The following SOCS2 variants were observed in gnomAD, a reference collection of about 807,000 sequenced individuals.
SOCS2 encodes the protein CIS-2.
In SOCS2, 10 loss-of-function variants were observed where a neutral mutation model predicts 18.6. That is an observed-to-expected ratio of 0.54 (90% CI 0.33 to 0.91). The LOEUF is 0.91. SOCS2 is among the 40% of genes least tolerant of loss of function. The pLI is 0.02. For synonymous variants in SOCS2, 104 were observed against 104.0 expected (o/e 1.00, Z 0.00); for missense variants, 231 against 247.2 (o/e 0.93, Z 0.44).
downstream of SOCS2, among the ~76,000 whole-genome samples, chr12:93,578,887 G>T (rs933287526): frequency 2.0e-5 from 3 of 152,054 alleles, no homozygotes; most frequent in African/African-American, 7.3e-5. Context: ...TTCTTCCGCT[G>T]GGATTCAGAA....
the SOCS2 span, among the ~76,000 whole-genome samples, chr12:93,626,172 A>G: frequency 6.6e-6 from 1 of 152,166 alleles, no homozygotes; most frequent in Non-Finnish European, 1.5e-5. Flanking sequence ...TTTATCCCAC[A>G]GATGCCGTTC....
At chr12:93,608,824 C>T in the SOCS2 span, among the ~76,000 whole-genome samples, 2 of 152,184 alleles carry the variant, frequency 1.3e-5, no homozygotes, top group Non-Finnish European at 2.9e-5. Flanking sequence ...CCACCACAGG[C>T]TCTGGAAAGT....
the SOCS2 span, among the ~76,000 whole-genome samples, chr12:93,596,877 C>T: frequency 6.6e-6 from 1 of 152,110 alleles, no homozygotes; most frequent in South Asian, 2.1e-4. Context: ...GCCTTTCTGC[C>T]CTGCACCCTC....
At chr12:93,614,430 C>T in the SOCS2 span, among the ~76,000 whole-genome samples, 70 of 17,958 alleles carry the variant, frequency 3.9e-3, 4 homozygotes, top group African/African-American at 2.8e-3. Flanking sequence ...CCTTTCTTTC[C>T]CTTCCTTCCT....
chr12:93,618,395 G>A, the SOCS2 span, among the ~76,000 whole-genome samples: 2 of 151,904 alleles, frequency 1.3e-5, no homozygotes, highest in Admixed American at 6.6e-5. Flanking sequence ...TTTCCCCCAG[G>A]CCTCCCACCC....
At chr12:93,581,435 T>C (rs1954538263), downstream of SOCS2, among the ~76,000 whole-genome samples, 1 of 151,968 alleles carries the variant, frequency 6.6e-6, no homozygotes, top group Non-Finnish European at 1.5e-5. Flanking sequence ...TTTTAATGTG[T>C]GTCAATCTTA....
chr12:93,623,461 G>A, the SOCS2 span, among the ~76,000 whole-genome samples: 6 of 151,556 alleles, frequency 4.0e-5, no homozygotes, highest in Non-Finnish European at 5.9e-5. Context: ...ACGTTTTAGG[G>A]TACATGTGCA....
the SOCS2 span, among the ~76,000 whole-genome samples, chr12:93,614,405 C>CTTTCT: frequency 7.1e-6 from 1 of 140,810 alleles, no homozygotes; most frequent in African/African-American, 2.8e-5. Flanking sequence ...TTCTTTCTTT[C>CTTTCT]TTTCTTTCTT....
At position 93,576,046 on chromosome 12, in the gene SOCS2, A is replaced by G. The variant is rs1473601582; in HGVS notation, c.*867A>G. 2 of 152,650 alleles carry G rather than the reference A, an allele frequency of 1.3e-5. No individual in the cohort carries two copies. The highest frequency in any genetic ancestry group is 2.9e-5 in the Non-Finnish European group (2 of 68,036). 9.5% of individuals were successfully genotyped at this position (152,650 alleles called of 1,614,324 possible). A position where few individuals can be genotyped will look rare whatever the true frequency, so the allele number is the denominator to read the frequency against. On this transcript the variant is annotated 3_prime_UTR_variant, in exon 2 of 2. Coordinates refer to ENST00000551556, the MANE Select transcript of SOCS2 (RefSeq NM_001270471.2). ...ATCCAAGTTGTCCTTGAATTGTCTA[A>G]CCATGGACATAAACAGTTGTCTCCC... is the stretch of plus-strand genomic sequence containing the variant.
At chr12:93,625,077 T>A in the SOCS2 span, among the ~76,000 whole-genome samples, 1 of 152,246 alleles carries the variant, frequency 6.6e-6, no homozygotes, top group South Asian at 2.1e-4. Flanking sequence ...CTCTGAGATT[T>A]CTTTCATATC....
chr12:93,607,169 A>G, the SOCS2 span, among the ~76,000 whole-genome samples: 2 of 152,202 alleles, frequency 1.3e-5, no homozygotes, highest in Admixed American at 1.3e-4. Flanking sequence ...TTTCTATAAC[A>G]TCTTTTTCTG....
At chr12:93,583,886 A>G (rs1954567592), downstream of SOCS2, among the ~76,000 whole-genome samples, 1 of 152,240 alleles carries the variant, frequency 6.6e-6, no homozygotes, top group South Asian at 2.1e-4. Context: ...AGACAAGGAG[A>G]TTGACACTTA....
the SOCS2 span, among the ~76,000 whole-genome samples, chr12:93,613,600 C>T: frequency 1.3e-5 from 2 of 152,102 alleles, no homozygotes; most frequent in Non-Finnish European, 2.9e-5. Flanking sequence ...AATGAAACAA[C>T]GGATGTGAAC....
upstream of SOCS2, chr12:93,572,665 C>T (rs1408578085): frequency 1.4e-6 from 1 of 713,002 alleles, no homozygotes; most frequent in African/African-American, 1.7e-5. The surrounding 1 kb of genome is among the most constrained non-coding windows in gnomAD (Gnocchi z 5.0). Context: ...CTGACCCAAC[C>T]TCCCGCTTTC....
chr12:93,614,172 A>C, the SOCS2 span, among the ~76,000 whole-genome samples: 1 of 152,030 alleles, frequency 6.6e-6, no homozygotes, highest in Non-Finnish European at 1.5e-5. Context: ...GATCAAGTAG[A>C]TGTTATTGTC....
the SOCS2 span, among the ~76,000 whole-genome samples, chr12:93,605,539 T>C: frequency 6.6e-6 from 1 of 152,206 alleles, no homozygotes; most frequent in East Asian, 1.9e-4. Flanking sequence ...GTAAAGCATA[T>C]GGTGAGACAG....
At position 93,576,272 on chromosome 12, in the gene SOCS2, AC is replaced by A. The variant is rs1210498745; in HGVS notation, c.*1094del. 6.5e-6 allele frequency: 1 copy of A among 152,688 alleles called. No individual in the cohort carries two copies. The highest frequency in any genetic ancestry group is 1.5e-5 in the Non-Finnish European group (1 of 68,052). The allele number at this position is 152,688 out of a possible 1,614,324, so 9.5% of individuals were successfully genotyped here. On this transcript the variant is annotated 3_prime_UTR_variant, in exon 2 of 2. Transcript: ENST00000551556. ...TAATAGAGGATTGCCATAAAAACTT[AC>A]GTCAAGTGAAATAAGCCAATTATTC... is the stretch of plus-strand genomic sequence containing the variant.
rs181410940 is a variant in SOCS2, at chr12:93,575,195, T to A, written c.*16T>A. The A allele has an allele frequency of 2.4e-5, 36 of 1,509,820 alleles. No individual in the cohort carries two copies. The African/African-American group carries it at 3.9e-4, about 16-fold the overall frequency. 93.5% of individuals were successfully genotyped at this position (1,509,820 alleles called of 1,614,324 possible). A position where few individuals can be genotyped will look rare whatever the true frequency, so the allele number is the denominator to read the frequency against. ...CCAGGTATAAATGTTTCTCTTTTTT[T>A]AAACATGTCTCACATAGAGTATCTC... is the stretch of plus-strand genomic sequence containing the variant. On this transcript the variant is annotated 3_prime_UTR_variant, in exon 2 of 2. Transcript: ENST00000551556.
Position 93,575,848 on chromosome 12 carries a change from CA to C in SOCS2, c.*672del, listed in dbSNP as rs1172183955. 6.6e-6 allele frequency: 1 copy of C among 152,526 alleles called. No individual in the cohort carries two copies. Among genetic ancestry groups the C allele is most frequent in the Non-Finnish European group, 1.5e-5 (1 of 68,010 alleles). 9.4% of individuals were successfully genotyped at this position (152,526 alleles called of 1,614,324 possible). A position where few individuals can be genotyped will look rare whatever the true frequency, so the allele number is the denominator to read the frequency against. On this transcript the variant is annotated 3_prime_UTR_variant, in exon 2 of 2. Transcript: ENST00000551556. Reference sequence around the variant, plus strand: ...ATTTCAGAAATATTTCAAACTGGTGCAAATGGAAAAGACTTTCTCTTTTCCT... The same window carrying C: ...ATTTCAGAAATATTTCAAACTGGTGCAATGGAAAAGACTTTCTCTTTTCCT...
Sources: gnomAD v4.1 joint callset for allele counts (sites outside exome capture counted in the v4.1 genomes callset) on GRCh38, gnomAD v4.1.1 for gene constraint, Gnocchi (gnomAD v3.1) non-coding constraint, MANE v1.5 for transcripts, NCBI Gene and HGNC (gene_info 2026-07-23, HGNC 2026-07-21) for gene names.